VAV3: variants seen among roughly 807,000 people sequenced by gnomAD.
The protein encoded by VAV3 is vav guanine nucleotide exchange factor 3, also known as guanine nucleotide exchange factor VAV3.
In VAV3, 94 loss-of-function variants were observed where a neutral mutation model predicts 131.2. That is an observed-to-expected ratio of 0.72 (90% CI 0.61 to 0.85). The LOEUF is 0.85. Ranked by LOEUF, VAV3 falls within the 40% of genes least tolerant of loss-of-function variation. VAV3 has a pLI of 0.00. For missense variants in VAV3, 939 were observed against 1,002.7 expected, an observed-to-expected ratio of 0.94 and a Z score of 0.86; for synonymous variants, 349 against 342.0, an observed-to-expected ratio of 1.02 and a Z score of -0.22.
intron 15 of VAV3, among the ~76,000 whole-genome samples, chr1:107,748,644 A>T (rs1166804825): frequency 6.6e-6 from 1 of 152,222 alleles, no homozygotes; most frequent in Non-Finnish European, 1.5e-5. Flanking sequence ...GTTATTACAT[A>T]AAAAGTTTAT....
intron 15 of VAV3, among the ~76,000 whole-genome samples, chr1:107,709,642 G>A (rs969254046): frequency 1.3e-5 from 2 of 152,180 alleles, no homozygotes; most frequent in African/African-American, 4.8e-5. Flanking sequence ...GAGGGACCAG[G>A]TGGAGATAAC....
In VAV3 at chr1:107,681,373, A is replaced by C. The variant is rs117742777; in HGVS notation, c.1777+2115T>G. Among the ~76,000 whole-genome samples, 6 of 152,314 alleles carry C rather than the reference A, an allele frequency of 3.9e-5. No homozygotes were observed. The East Asian group carries it at 1.2e-3, about 29-fold the overall frequency. On this transcript the variant is annotated intron_variant, in intron 19 of 26. Coordinates refer to ENST00000370056, the MANE Select transcript of VAV3 (RefSeq NM_006113.5). ...ACATTTTGTCTGAAAATCTCTAAAC[A>C]ATAGCCACATGAGGATCAAGGCACG...
intron 25 of VAV3, among the ~76,000 whole-genome samples, chr1:107,585,633 G>A (rs2101027578): frequency 6.6e-6 from 1 of 152,262 alleles, no homozygotes; most frequent in African/African-American, 2.4e-5. Flanking sequence ...CTCCTTGAGA[G>A]TCTTGATTCA....
chr1:107,670,840 C>T (rs559710170), intron 19 of VAV3, among the ~76,000 whole-genome samples: 43 of 152,228 alleles, frequency 2.8e-4, no homozygotes, highest in South Asian at 1.7e-3. Flanking sequence ...AGTCCATATG[C>T]TTTTCCCCCA....
intron 2 of VAV3, among the ~76,000 whole-genome samples, chr1:107,853,204 C>A (rs191506319): frequency 6.6e-6 from 1 of 152,118 alleles, no homozygotes; most frequent in African/African-American, 2.4e-5. Context: ...GGAATCCGAC[C>A]CCATGGGTTC....
chr1:107,777,061 A>G (rs531890056), intron 4 of VAV3, among the ~76,000 whole-genome samples, 170 bp downstream of exon 4: 1 of 152,178 alleles, frequency 6.6e-6, no homozygotes, highest in African/African-American at 2.4e-5. Flanking sequence ...GGAACTAAAA[A>G]CCAGTTGAAG....
At chr1:107,827,989 G>A (rs1041858833) in intron 2 of VAV3, among the ~76,000 whole-genome samples, 8 of 152,124 alleles carry the variant, frequency 5.3e-5, no homozygotes, top group Admixed American at 4.6e-4. Flanking sequence ...TGGGACATGG[G>A]AGTCAAGACC....
At chr1:107,722,840 C>CTTTTT (rs374127110) in intron 15 of VAV3, among the ~76,000 whole-genome samples, 52,694 of 128,250 alleles carry the variant, frequency 0.41, 11,922 homozygotes, top group Non-Finnish European at 0.46. Flanking sequence ...ATTATCCTCT[C>CTTTTT]TTTTTTTTTT....
At chr1:107,805,770 G>GT (rs978064477) in intron 2 of VAV3, among the ~76,000 whole-genome samples, 3 of 151,974 alleles carry the variant, frequency 2.0e-5, no homozygotes, top group African/African-American at 7.3e-5. Flanking sequence ...GGCTTGTTTT[G>GT]TTTTTTGTTG....
At chr1:107,943,738 C>T (rs1488536133) in intron 1 of VAV3, among the ~76,000 whole-genome samples, 1 of 152,214 alleles carries the variant, frequency 6.6e-6, no homozygotes, top group African/African-American at 2.4e-5. Context: ...GAGACTCCGT[C>T]TCAAAACAAA....
intron 1 of VAV3, among the ~76,000 whole-genome samples, chr1:107,940,445 C>T (rs1036627266): frequency 1.6e-4 from 25 of 152,196 alleles, no homozygotes; most frequent in African/African-American, 5.8e-4. Flanking sequence ...CCAAAGACAA[C>T]AGCAGAAACT....
chr1:107,700,454 C>A (rs1660035928), intron 17 of VAV3, among the ~76,000 whole-genome samples: 1 of 152,138 alleles, frequency 6.6e-6, no homozygotes, highest in Non-Finnish European at 1.5e-5. Context: ...GCTCTCCTTT[C>A]CCCCACCCTG....
intron 2 of VAV3, among the ~76,000 whole-genome samples, chr1:107,846,715 G>A (rs1668985769): frequency 6.6e-6 from 1 of 152,144 alleles, no homozygotes; most frequent in Admixed American, 6.6e-5. Flanking sequence ...AATGCAACAA[G>A]AGCTAACTAC....
chr1:107,653,067 T>C (rs1323176597), intron 19 of VAV3, among the ~76,000 whole-genome samples: 2 of 151,810 alleles, frequency 1.3e-5, no homozygotes, highest in Non-Finnish European at 1.5e-5. Flanking sequence ...TGTGATCTTC[T>C]GCTTGAGTAG....
chr1:107,761,165 A>G (rs748220490), intron 9 of VAV3, among the ~76,000 whole-genome samples: 3 of 152,210 alleles, frequency 2.0e-5, no homozygotes, highest in Non-Finnish European at 4.4e-5. Flanking sequence ...CGAGGCGGGC[A>G]GATCACAAGG....
intron 15 of VAV3, among the ~76,000 whole-genome samples, chr1:107,748,258 G>T (rs2102052801): frequency 6.6e-6 from 1 of 152,182 alleles, no homozygotes; most frequent in Non-Finnish European, 1.5e-5. Context: ...TTATTTCAGG[G>T]TATCCTATAT....
rs114773354 is a variant in VAV3 at position 107,644,178 on chromosome 1, G to A, written c.1778-1423C>T. On this transcript the variant is annotated intron_variant, in intron 19 of 26. Coordinates refer to ENST00000370056, the MANE Select transcript of VAV3 (RefSeq NM_006113.5). The stretch of plus-strand genomic sequence containing the variant: ...GACTTGCTCTCAATACACTGCAAAT[G>A]CCTTTAGTATAGAGAGTTTATTTTA... Among the ~76,000 whole-genome samples the A allele has an allele frequency of 5.7e-3, 875 of 152,204 alleles. 9 individuals carry two copies. The highest frequency in any genetic ancestry group is 0.02 in the African/African-American group (842 of 41,520).
At chr1:107,922,503 CT>C (rs1672946643) in intron 1 of VAV3, among the ~76,000 whole-genome samples, 1 of 152,060 alleles carries the variant, frequency 6.6e-6, no homozygotes, top group South Asian at 2.1e-4. Flanking sequence ...ATAAAGTATA[CT>C]AGCTGAGCTT....
At chr1:107,939,439 T>C (rs1392650325) in intron 1 of VAV3, among the ~76,000 whole-genome samples, 3 of 152,202 alleles carry the variant, frequency 2.0e-5, no homozygotes. Flanking sequence ...AGTTCCGTAC[T>C]TTCTCGAAAT....
Sources: gnomAD v4.1 joint callset for allele counts (sites outside exome capture counted in the v4.1 genomes callset) on GRCh38, gnomAD v4.1.1 for gene constraint, MANE v1.5 for transcripts, NCBI Gene and HGNC (gene_info 2026-07-23, HGNC 2026-07-21) for gene names.